Variants in PSD3 observed in about 807,000 individuals in gnomAD.
PSD3 encodes the protein PH and SEC7 domain-containing protein 3.
A neutral mutation model predicts 105.5 loss-of-function variants in PSD3; 49 were observed. That is an observed-to-expected ratio of 0.46 (90% CI 0.37 to 0.59). The LOEUF (loss-of-function observed/expected upper bound fraction) is 0.59, where lower values mean the gene tolerates loss of function less well. Among genes scored for constraint, PSD3 ranks in the 20% least tolerant of loss-of-function variants. The probability of loss-of-function intolerance (pLI) is 0.00; values close to 1 mark genes in which losing one functional copy is unlikely to be tolerated. For synonymous variants in PSD3, 557 were observed against 457.8 expected (o/e 1.22, Z -2.77); for missense variants, 1,561 against 1,263.8 (o/e 1.24, Z -3.57).
Position 18,998,994 on chromosome 8 carries a change from T to C in PSD3, c.21+14569A>G, listed in dbSNP as rs781001638. The stretch of plus-strand genomic sequence containing the variant: ...CACATTTCTTAAAAACCTAAAATTA[T>C]CTTCCAGGTGAAAGGAAAGCAAAAT... On this transcript the variant is annotated intron_variant, in intron 1 of 15. Transcript: ENST00000327040. 5.2e-4 allele frequency among the ~76,000 whole-genome samples: 79 copies of C among 152,066 alleles called. 1 individual carries two copies. The highest frequency in any genetic ancestry group is 1.9e-3 in the South Asian group (9 of 4,786).
At chr8:18,821,474 A>T (rs960104452) in intron 4 of PSD3, among the ~76,000 whole-genome samples, 11 of 152,286 alleles carry the variant, frequency 7.2e-5, no homozygotes, top group African/African-American at 2.6e-4. Context: ...AGGTTGGATG[A>T]AATTTGCGTG....
At chr8:18,678,188 AAC>A (rs1800178126) in intron 9 of PSD3, among the ~76,000 whole-genome samples, 1 of 152,144 alleles carries the variant, frequency 6.6e-6, no homozygotes, top group South Asian at 2.1e-4. Flanking sequence ...TACTTTGTTC[AAC>A]ACACCACCTC....
chr8:18,803,389 C>CTGTGTGTG (rs59427991), intron 6 of PSD3: 15,447 of 143,198 alleles, frequency 0.11, 915 homozygotes, highest in East Asian at 0.25. Context: ...AATCTATAAA[C>CTGTGTGTG]TGTGTGTGTG....
chr8:18,810,691 C>A (rs763727220), intron 4 of PSD3, among the ~76,000 whole-genome samples: 1 of 152,056 alleles, frequency 6.6e-6, no homozygotes, highest in Non-Finnish European at 1.5e-5. Context: ...GCCACCTAGT[C>A]GAGTTGAATT....
rs577487833 is a variant in PSD3, at chr8:18,533,859, C to A, written c.*1884G>T. 6.6e-6 allele frequency: 1 copy of A among 151,918 alleles called. No homozygotes were observed. Among genetic ancestry groups the A allele is most frequent in the South Asian group, 2.1e-4 (1 of 4,822 alleles). 9.4% of individuals were successfully genotyped at this position (151,918 alleles called of 1,614,324 possible). A position where few individuals can be genotyped will look rare whatever the true frequency, so the allele number is the denominator to read the frequency against. ...ATTGGTAACTATCCTGTTTGTTTTG[C>A]AGTTCTGAAACATAAACTTAGTTAC... On this transcript the variant is annotated 3_prime_UTR_variant, in exon 16 of 16. Transcript: ENST00000327040.
intron 1 of PSD3, among the ~76,000 whole-genome samples, chr8:19,077,889 G>C (rs1027431896): frequency 1.7e-4 from 26 of 152,164 alleles, no homozygotes; most frequent in Admixed American, 1.3e-3. Context: ...GGAATACTGG[G>C]TCAGGAGTCC....
At chr8:18,746,952 T>C (rs1414550391) in intron 9 of PSD3, among the ~76,000 whole-genome samples, 1 of 152,240 alleles carries the variant, frequency 6.6e-6, no homozygotes, top group African/African-American at 2.4e-5. Flanking sequence ...GCATGGATAT[T>C]TTCTCAGCAT....
chr8:18,974,772 T>A (rs1175394245), intron 1 of PSD3, among the ~76,000 whole-genome samples: 1 of 152,060 alleles, frequency 6.6e-6, no homozygotes, highest in Non-Finnish European at 1.5e-5. Flanking sequence ...GGGTTTAAAC[T>A]GCTGCAAAGG....
At chr8:18,611,693 T>C (rs780399151) in intron 11 of PSD3, among the ~76,000 whole-genome samples, 14 of 152,138 alleles carry the variant, frequency 9.2e-5, no homozygotes, top group Non-Finnish European at 1.8e-4. Context: ...GAAAATAAGC[T>C]GTGAAAATAA....
intron 9 of PSD3, among the ~76,000 whole-genome samples, chr8:18,672,665 T>A (rs73591509): frequency 0.032 from 4,797 of 152,240 alleles, 189 homozygotes; most frequent in East Asian, 0.15. Context: ...TGCATAAAAA[T>A]AAGTTGCATG....
intron 8 of PSD3, among the ~76,000 whole-genome samples, chr8:18,768,116 C>CAAAAAAA (rs774203727): frequency 1.3e-4 from 13 of 97,372 alleles, no homozygotes; most frequent in Non-Finnish European, 2.1e-4. Flanking sequence ...ACTGAAAATA[C>CAAAAAAA]AAAAAAAAAA....
intron 9 of PSD3, among the ~76,000 whole-genome samples, chr8:18,706,570 C>T (rs1189074835): frequency 6.6e-6 from 1 of 152,194 alleles, no homozygotes; most frequent in East Asian, 1.9e-4. Context: ...TGGTGGTGCC[C>T]ATCCATGCAC....
chr8:18,904,371 A>G (rs1819702462), intron 2 of PSD3, among the ~76,000 whole-genome samples: 1 of 152,186 alleles, frequency 6.6e-6, no homozygotes, highest in African/African-American at 2.4e-5. Flanking sequence ...ATTGCACTCC[A>G]ACCCAGGCTG....
intron 9 of PSD3, among the ~76,000 whole-genome samples, chr8:18,666,546 GT>G (rs1169324722): frequency 9.9e-5 from 15 of 152,104 alleles, no homozygotes; most frequent in African/African-American, 3.6e-4. Flanking sequence ...CCAAATGCTG[GT>G]TCATCATCAA....
intron 1 of PSD3, among the ~76,000 whole-genome samples, chr8:18,994,615 T>A (rs1825972258): frequency 6.6e-6 from 1 of 152,012 alleles, no homozygotes; most frequent in Non-Finnish European, 1.5e-5. Flanking sequence ...GCAAAGAATA[T>A]AAATTATCAC....
chr8:18,754,522 G>A (rs1805866662), intron 9 of PSD3, among the ~76,000 whole-genome samples: 1 of 152,144 alleles, frequency 6.6e-6, no homozygotes, highest in African/African-American at 2.4e-5. Context: ...GTGATAGTCA[G>A]CAGTAACTTG....
At position 18,600,424 on chromosome 8, in the gene PSD3, T is replaced by C; in HGVS notation, c.2421A>G (p.Gly807=). ...ADMDGKKTPR[G]KRGWKTFYAV... is the part of the protein sequence containing the mutation. Reference sequence around the variant, plus strand: ...CATAAAAGGTTTTCCATCCTCGTTTTCCTCTTGGAGCTAGAAAGGGGGAAA... The same window carrying C: ...CATAAAAGGTTTTCCATCCTCGTTTCCCTCTTGGAGCTAGAAAGGGGGAAA... Residue 807 remains glycine, a synonymous_variant, in exon 12 of 16, where the codon GGA becomes GGG. Coordinates refer to ENST00000327040, the MANE Select transcript of PSD3 (RefSeq NM_015310.4). The C allele has an allele frequency of 6.2e-7, 1 of 1,604,662 alleles. No individual in the cohort carries two copies. The highest frequency in any genetic ancestry group is 8.5e-7 in the Non-Finnish European group (1 of 1,177,348).
chr8:18,931,976 G>A (rs1260906019), intron 2 of PSD3, among the ~76,000 whole-genome samples: 1 of 152,116 alleles, frequency 6.6e-6, no homozygotes. Flanking sequence ...CAATGAGTTT[G>A]GGCAAATTAA....
At chr8:18,907,777 C>T (rs1317397395) in intron 2 of PSD3, among the ~76,000 whole-genome samples, 1 of 152,210 alleles carries the variant, frequency 6.6e-6, no homozygotes, top group African/African-American at 2.4e-5. Context: ...AGAGTAACAA[C>T]CCCGTGAATA....
Sources: allele counts gnomAD v4.1 joint callset (sites outside exome capture counted in the v4.1 genomes callset), GRCh38; gene constraint gnomAD v4.1.1; transcripts MANE v1.5; gene names NCBI Gene and HGNC (gene_info 2026-07-23, HGNC 2026-07-21).